SYNDIG1L: variants seen among roughly 807,000 people sequenced by gnomAD.
The protein encoded by SYNDIG1L is synapse differentiation-inducing gene protein 1-like.
In SYNDIG1L, 13 loss-of-function variants were observed where a neutral mutation model predicts 20.1. The observed-to-expected ratio is 0.65, with a 90% CI of 0.42 to 1.03. The LOEUF is 1.03. Among genes scored for constraint, SYNDIG1L ranks in the 50% least tolerant of loss-of-function variants. The probability of loss-of-function intolerance (pLI) is 0.00; values close to 1 mark genes in which losing one functional copy is unlikely to be tolerated. For missense variants in SYNDIG1L, 294 were observed against 305.1 expected (o/e 0.96, Z 0.27); for synonymous variants, 128 against 129.3 (o/e 0.99, Z 0.07).
the SYNDIG1L span, among the ~76,000 whole-genome samples, chr14:74,470,173 C>CT: frequency 1.9e-3 from 282 of 151,522 alleles, 2 homozygotes; most frequent in African/African-American, 6.1e-3. Flanking sequence ...TCTACCTTCC[C>CT]TTTTTAAAAA....
the SYNDIG1L span, among the ~76,000 whole-genome samples, chr14:74,449,438 C>CAAAGAAAAAAAAA: frequency 2.9e-5 from 1 of 34,000 alleles, no homozygotes; most frequent in African/African-American, 1.2e-4. Context: ...CCTGTCTTTA[C>CAAAGAAAAAAAAA]AAAAAAAAAA....
At chr14:74,422,670 C>A (rs1595199298) in intron 1 of SYNDIG1L, among the ~76,000 whole-genome samples, 1 of 151,346 alleles carries the variant, frequency 6.6e-6, no homozygotes, top group Admixed American at 6.6e-5. Context: ...CACACACACA[C>A]ACACACACAC....
At chr14:74,419,319 G>A (rs372631610) in intron 1 of SYNDIG1L, among the ~76,000 whole-genome samples, 1 of 152,166 alleles carries the variant, frequency 6.6e-6, no homozygotes, top group Non-Finnish European at 1.5e-5. Flanking sequence ...GAGCTCCAGC[G>A]GGGTGGTAAC....
At chr14:74,459,867 T>A in the SYNDIG1L span, among the ~76,000 whole-genome samples, 4 of 152,220 alleles carry the variant, frequency 2.6e-5, no homozygotes, top group Non-Finnish European at 4.4e-5. Flanking sequence ...ACTGCCCAGA[T>A]GGATTTCTTT....
chr14:74,471,596 T>TCACACACA, the SYNDIG1L span, among the ~76,000 whole-genome samples: 25 of 149,824 alleles, frequency 1.7e-4, no homozygotes, highest in Admixed American at 1.3e-3. Flanking sequence ...AGACCCTATC[T>TCACACACA]CACACACACA....
chr14:74,435,262 C>A, the SYNDIG1L span, among the ~76,000 whole-genome samples: 4 of 152,152 alleles, frequency 2.6e-5, no homozygotes, highest in Non-Finnish European at 5.9e-5. Flanking sequence ...TGCTTCAATT[C>A]AATCAGCCAA....
At chr14:74,453,884 G>A in the SYNDIG1L span, among the ~76,000 whole-genome samples, 1 of 152,120 alleles carries the variant, frequency 6.6e-6, no homozygotes, top group Non-Finnish European at 1.5e-5. Flanking sequence ...AGAATTGCTT[G>A]AAACTGGGGA....
chr14:74,477,604 C>T, the SYNDIG1L span, among the ~76,000 whole-genome samples: 2 of 148,484 alleles, frequency 1.3e-5, no homozygotes, highest in Non-Finnish European at 3.0e-5. Flanking sequence ...TAAAATTACT[C>T]CATGCTTGTT....
the SYNDIG1L span, among the ~76,000 whole-genome samples, chr14:74,457,487 G>A: frequency 1.2e-4 from 18 of 151,902 alleles, no homozygotes; most frequent in African/African-American, 3.4e-4. Context: ...CATCCTCTGC[G>A]GCCACATTTC....
Position 74,409,556 on chromosome 14 carries a change from G to T in SYNDIG1L, c.189C>A (p.Ala63=). Residue 63 remains alanine (A), a synonymous_variant, in exon 2 of 4, where the codon GCC becomes GCA. Transcript: ENST00000331628. ...QLLDPGSLQL[A]VEAWYRPSCL... is the part of the protein sequence containing the mutation. ...AGCTGGGCCGGTACCAGGCCTCCAC[G>T]GCCAGCTGCAGGGACCCTGGGTCCA... is the stretch of plus-strand genomic sequence containing the variant. 6.5e-7 allele frequency: 1 copy of T among 1,540,270 alleles called. No homozygotes were observed. Among genetic ancestry groups the T allele is most frequent in the East Asian group, 2.3e-5 (1 of 43,006 alleles).
At chr14:74,473,898 GT>G in the SYNDIG1L span, 1 of 152,176 alleles carries the variant, frequency 6.6e-6, no homozygotes, top group Non-Finnish European at 1.5e-5. Context: ...CTGCATTACA[GT>G]CCTGTTTTGC....
At chr14:74,421,262 A>G (rs1421732913) in intron 1 of SYNDIG1L, among the ~76,000 whole-genome samples, 1 of 152,226 alleles carries the variant, frequency 6.6e-6, no homozygotes, top group Non-Finnish European at 1.5e-5. Context: ...AATTCAGTGA[A>G]AAGACTGGAT....
intron 2 of SYNDIG1L, among the ~76,000 whole-genome samples, chr14:74,408,495 C>T (rs1299573316): frequency 7.0e-6 from 1 of 143,356 alleles, no homozygotes; most frequent in Non-Finnish European, 1.5e-5. Context: ...ACCTGGGAGG[C>T]GGGGGTTGCA....
At chr14:74,414,843 G>A (rs2086162229) in intron 1 of SYNDIG1L, among the ~76,000 whole-genome samples, 2 of 152,202 alleles carry the variant, frequency 1.3e-5, no homozygotes, top group African/African-American at 2.4e-5. Context: ...ACGCCAAACC[G>A]CCAATAACAG....
At chr14:74,447,420 C>T in the SYNDIG1L span, among the ~76,000 whole-genome samples, 6 of 152,056 alleles carry the variant, frequency 3.9e-5, no homozygotes, top group Admixed American at 2.0e-4. Flanking sequence ...AACCCCGTGT[C>T]TAATAAAATT....
chr14:74,449,538 G>A, the SYNDIG1L span, among the ~76,000 whole-genome samples: 5 of 144,596 alleles, frequency 3.5e-5, no homozygotes, highest in Non-Finnish European at 7.5e-5. Context: ...CTTGAACCCA[G>A]GAGTTTGAGG....
the SYNDIG1L span, among the ~76,000 whole-genome samples, chr14:74,459,688 T>A: frequency 6.6e-6 from 1 of 152,192 alleles, no homozygotes; most frequent in African/African-American, 2.4e-5. Context: ...CCTTCAGGGC[T>A]GTAACGTCCA....
intron 1 of SYNDIG1L, among the ~76,000 whole-genome samples, chr14:74,411,912 G>A (rs1260170839): frequency 6.6e-6 from 1 of 152,234 alleles, no homozygotes; most frequent in Non-Finnish European, 1.5e-5. Flanking sequence ...CCCCCAGGGA[G>A]GGCACAGATG....
At chr14:74,423,962 T>G (rs1011598227) in intron 1 of SYNDIG1L, among the ~76,000 whole-genome samples, 2 of 152,170 alleles carry the variant, frequency 1.3e-5, no homozygotes. Context: ...TCAGTCATTC[T>G]GAGTCACACT....
Sources: gnomAD v4.1 joint callset for allele counts (sites outside exome capture counted in the v4.1 genomes callset) on GRCh38, gnomAD v4.1.1 for gene constraint, MANE v1.5 for transcripts, NCBI Gene and HGNC (gene_info 2026-07-23, HGNC 2026-07-21) for gene names.